RAB3B: variants seen among roughly 807,000 people sequenced by gnomAD.
RAB3B encodes the protein RAB3B, member RAS oncogene family.
In RAB3B, 11 loss-of-function variants were observed where a neutral mutation model predicts 20.5. The ratio of observed to expected loss-of-function variants is 0.54; its 90% confidence interval spans 0.34 to 0.89. The LOEUF is 0.89. RAB3B is among the 40% of genes least tolerant of loss of function. The pLI, the probability that RAB3B is intolerant of heterozygous loss-of-function variation, is 0.02. For synonymous variants in RAB3B, 99 were observed against 106.3 expected (o/e 0.93, Z 0.42); for missense variants, 225 against 280.9 (o/e 0.80, Z 1.42).
intron 2 of RAB3B, among the ~76,000 whole-genome samples, chr1:51,958,918 A>G (rs936882236): frequency 1.3e-5 from 2 of 152,224 alleles, no homozygotes; most frequent in Admixed American, 6.5e-5. Flanking sequence ...TGAGAGGTAT[A>G]CAGCCTTAGC....
chr1:51,979,782 G>A (rs1329338859), intron 1 of RAB3B, among the ~76,000 whole-genome samples: 1 of 151,706 alleles, frequency 6.6e-6, no homozygotes, highest in South Asian at 2.1e-4. Context: ...GGTGGCTCAC[G>A]CCTGTAATCC....
rs74606139 is a variant in RAB3B at position 51,927,099 on chromosome 1, T to C, written c.472+6219A>G. Among the ~76,000 whole-genome samples, 3 of 152,338 alleles carry C rather than the reference T, an allele frequency of 2.0e-5. No homozygotes were observed. In the East Asian group the frequency reaches 5.8e-4, roughly 29 times the overall value. ...ATTATCAATGCCAACTAGGCCTTTC[T>C]TTCTCTGCAACCAGACTCAATGACA... On this transcript the variant is annotated intron_variant, in intron 4 of 4. Coordinates refer to ENST00000371655, the MANE Select transcript of RAB3B (RefSeq NM_002867.4).
intron 1 of RAB3B, among the ~76,000 whole-genome samples, chr1:51,984,291 A>AAAG (rs1685125288): frequency 1.4e-5 from 2 of 147,962 alleles, no homozygotes; most frequent in Non-Finnish European, 3.0e-5. Context: ...AAAAAAAAAA[A>AAAG]AAAAAAGCAT....
chr1:51,917,748 T>G lies in RAB3B; in HGVS notation c.*2179A>C, dbSNP rs548013665. On this transcript the variant is annotated 3_prime_UTR_variant, in exon 5 of 5. Coordinates refer to ENST00000371655, the MANE Select transcript of RAB3B (RefSeq NM_002867.4). ...ATTTTTTTTTTTGTAGGGATAGAAT[T>G]TGACCACATTGCCCAGGCTGGTCTC... 2.6e-5 allele frequency: 4 copies of G among 152,472 alleles called. No individual in the cohort carries two copies. The South Asian group carries it at 8.3e-4, about 32-fold the overall frequency. 9.4% of individuals were successfully genotyped at this position (152,472 alleles called of 1,614,324 possible).
At chr1:51,946,285 C>T (rs1220939297) in intron 2 of RAB3B, among the ~76,000 whole-genome samples, 3 of 152,236 alleles carry the variant, frequency 2.0e-5, no homozygotes, top group Non-Finnish European at 2.9e-5. Context: ...GGAAACACAA[C>T]ACTCCAGCTC....
intron 1 of RAB3B, 98 bp from the exon 2 acceptor site, chr1:51,977,215 C>T: frequency 1.2e-6 from 1 of 837,420 alleles, no homozygotes. Context: ...ACACTCACTC[C>T]TTACTCCAGC....
chr1:51,986,108 A>C (rs985392135), intron 1 of RAB3B, among the ~76,000 whole-genome samples: 3 of 151,780 alleles, frequency 2.0e-5, no homozygotes, highest in Non-Finnish European at 4.4e-5. Flanking sequence ...GGAGTTCAAA[A>C]CCAGCCTGGG....
At chr1:51,930,785 G>A (rs1684312524) in intron 4 of RAB3B, among the ~76,000 whole-genome samples, 1 of 152,148 alleles carries the variant, frequency 6.6e-6, no homozygotes. Flanking sequence ...GGAGGCTGAG[G>A]TGGGCAGATC....
intron 2 of RAB3B, among the ~76,000 whole-genome samples, 186 bp from the exon 3 acceptor site, chr1:51,937,598 A>G (rs1268394791): frequency 6.6e-6 from 1 of 151,996 alleles, no homozygotes; most frequent in East Asian, 1.9e-4. Context: ...CCTAGGTTCA[A>G]GTGATTCTCC....
intron 4 of RAB3B, among the ~76,000 whole-genome samples, chr1:51,928,387 G>A (rs1404407209): frequency 2.6e-5 from 4 of 152,198 alleles, no homozygotes; most frequent in Admixed American, 6.5e-5. Flanking sequence ...GATTACAGGC[G>A]TGAGCCACCA....
At chr1:51,929,957 T>G (rs1474978923) in intron 4 of RAB3B, among the ~76,000 whole-genome samples, 1 of 152,198 alleles carries the variant, frequency 6.6e-6, no homozygotes, top group Non-Finnish European at 1.5e-5. Context: ...TACCCTATGC[T>G]GGGTCCTTAG....
intron 1 of RAB3B, 104 bp from the exon 2 acceptor site, chr1:51,977,221 C>T: frequency 1.2e-6 from 1 of 800,250 alleles, no homozygotes; most frequent in Non-Finnish European, 2.1e-6. Context: ...ACTCCTTACT[C>T]CAGCACCACT....
At chr1:51,941,035 T>A (rs999528547) in intron 2 of RAB3B, among the ~76,000 whole-genome samples, 1 of 152,010 alleles carries the variant, frequency 6.6e-6, no homozygotes, top group Admixed American at 6.6e-5. Context: ...TGGGACTATA[T>A]GGTAGAAGGC....
chr1:51,969,729 A>G (rs768864106), intron 2 of RAB3B, among the ~76,000 whole-genome samples: 31 of 152,206 alleles, frequency 2.0e-4, no homozygotes, highest in Non-Finnish European at 3.7e-4. Flanking sequence ...AACCTTAATA[A>G]AAACTACGAT....
At chr1:51,935,934 A>G (rs938672967) in intron 3 of RAB3B, among the ~76,000 whole-genome samples, 27 of 152,310 alleles carry the variant, frequency 1.8e-4, no homozygotes, top group African/African-American at 6.3e-4. Context: ...GGAATGACAG[A>G]CATGCTGATG....
intron 2 of RAB3B, among the ~76,000 whole-genome samples, chr1:51,968,087 G>A (rs1393246106): frequency 6.6e-6 from 1 of 152,110 alleles, no homozygotes; most frequent in African/African-American, 2.4e-5. Context: ...GGAAGAAGGG[G>A]CCCCAAGCAA....
Position 51,920,056 on chromosome 1 carries a change from C to A in RAB3B, c.531G>T (p.Glu177Asp). 6.2e-7 allele frequency: 1 copy of A among 1,614,170 alleles called. No homozygotes were observed. The change falls in exon 5 of 5, where the codon GAG (glutamate) becomes GAT (aspartate). Residue 177 changes from glutamate to aspartate, a missense_variant. By Grantham distance (45) the Glu-to-Asp change is conservative. Transcript: ENST00000371655. ...KENISVRQAF[E>D]RLVDAICDKM... ...TGTCACAAATGGCATCCACCAGGCG[C>A]TCAAAGGCCTGCCTTACACTGATGT...
At chr1:51,941,548 T>G (rs1461792373) in intron 2 of RAB3B, among the ~76,000 whole-genome samples, 1 of 152,152 alleles carries the variant, frequency 6.6e-6, no homozygotes, top group Non-Finnish European at 1.5e-5. Context: ...GGTAAAATTA[T>G]AGGGAATGGT....
intron 3 of RAB3B, among the ~76,000 whole-genome samples, chr1:51,934,504 GCCCACGCCTGTAAT>G (rs1245118602): frequency 6.6e-6 from 1 of 152,112 alleles, no homozygotes; most frequent in Non-Finnish European, 1.5e-5. Flanking sequence ...GGGTGCGCTG[GCCCACGCCTGTAAT>G]CCCAGCACTT....
Sources: allele counts gnomAD v4.1 joint callset (sites outside exome capture counted in the v4.1 genomes callset), GRCh38; gene constraint gnomAD v4.1.1; transcripts MANE v1.5; gene names NCBI Gene and HGNC (gene_info 2026-07-23, HGNC 2026-07-21).